The following GFPT1 variants were observed in gnomAD, a reference collection of about 807,000 sequenced individuals.
GFPT1 encodes glutamine--fructose-6-phosphate transaminase 1.
In GFPT1, 40 loss-of-function variants were observed where a neutral mutation model predicts 92.0. The observed-to-expected ratio is 0.43, with a 90% CI of 0.34 to 0.57. GFPT1 has a LOEUF of 0.57. GFPT1 is among the 20% of genes least tolerant of loss of function. GFPT1 has a pLI of 0.02. For synonymous variants in GFPT1, 269 were observed against 280.6 expected, an observed-to-expected ratio of 0.96 and a Z score of 0.41; for missense variants, 448 against 869.1, an observed-to-expected ratio of 0.52 and a Z score of 6.09.
intron 3 of GFPT1, among the ~76,000 whole-genome samples, chr2:69,367,809 G>A (rs1671647669): frequency 6.6e-6 from 1 of 152,144 alleles, no homozygotes; most frequent in South Asian, 2.1e-4. Flanking sequence ...TTAGTCTCAG[G>A]TTATAGGCAT....
At chr2:69,349,991 C>T in intron 10 of GFPT1, 87 bp downstream of exon 10, 1 of 893,692 alleles carries the variant, frequency 1.1e-6, no homozygotes, top group South Asian at 1.4e-5. Flanking sequence ...CAGAGCACAA[C>T]TAGACTGATA....
At chr2:69,333,739 T>C (rs377120492) in intron 15 of GFPT1, among the ~76,000 whole-genome samples, 4 of 152,346 alleles carry the variant, frequency 2.6e-5, no homozygotes, top group African/African-American at 9.6e-5. Context: ...TATGGTCTGA[T>C]ACTATGAGAA....
At chr2:69,367,341 TTTTTTGTTG>T (rs1209028821) in intron 3 of GFPT1, among the ~76,000 whole-genome samples, 182 of 129,986 alleles carry the variant, frequency 1.4e-3, no homozygotes, top group African/African-American at 5.7e-3. Context: ...ATACAACTTA[TTTTTTGTTG>T]TTGTTGTTGT....
intron 1 of GFPT1, among the ~76,000 whole-genome samples, chr2:69,377,159 G>C (rs1488177065): frequency 7.6e-6 from 1 of 131,410 alleles, no homozygotes; most frequent in Non-Finnish European, 1.5e-5. Flanking sequence ...AGTGAGCTGA[G>C]ATCGTGCCAC....
At chr2:69,384,294 T>A (rs1672075165) in intron 1 of GFPT1, among the ~76,000 whole-genome samples, 1 of 152,128 alleles carries the variant, frequency 6.6e-6, no homozygotes, top group South Asian at 2.1e-4. Flanking sequence ...CTTATTAACA[T>A]CCCAATACAA....
At chr2:69,331,141 G>A (rs528725916) in intron 15 of GFPT1, among the ~76,000 whole-genome samples, 155 of 152,266 alleles carry the variant, frequency 1.0e-3, no homozygotes, top group African/African-American at 3.6e-3. Flanking sequence ...GTCAAGTTCT[G>A]TGAAATACTG....
rs372548032 is a variant in GFPT1 at position 69,329,810 on chromosome 2, CA to C, written c.1483-13del. ...TGGCTGGTATAAGCCTGAAACATCA[CA>C]AAAAAGCAGGACAATTAGTTGCAGC... On this transcript the variant is annotated splice_polypyrimidine_tract_variant and intron_variant, in intron 15 of 19. Transcript: ENST00000357308. 10 of 1,376,714 alleles carry C rather than the reference CA, an allele frequency of 7.3e-6. No homozygotes were observed. Among genetic ancestry groups the C allele is most frequent in the African/African-American group, 2.8e-5 (2 of 70,452 alleles). The allele number at this position is 1,376,714 out of a possible 1,614,324, so 85.3% of individuals were successfully genotyped here.
intron 9 of GFPT1, among the ~76,000 whole-genome samples, chr2:69,352,178 G>A (rs769401343): frequency 3.3e-5 from 5 of 152,200 alleles, no homozygotes; most frequent in Non-Finnish European, 5.9e-5. Context: ...TGGGAGAATC[G>A]CTTGAACCTG....
intron 1 of GFPT1, among the ~76,000 whole-genome samples, chr2:69,384,850 GA>G (rs1177239856): frequency 2.0e-5 from 3 of 152,116 alleles, no homozygotes; most frequent in Non-Finnish European, 4.4e-5. Context: ...CAAGTAATCA[GA>G]AAGTAAGCTT....
chr2:69,343,904 A>C (rs904625107), intron 12 of GFPT1, among the ~76,000 whole-genome samples: 2 of 152,196 alleles, frequency 1.3e-5, no homozygotes, highest in Admixed American at 1.3e-4. Flanking sequence ...TAGCTTCCCA[A>C]ATAATTTATA....
intron 4 of GFPT1, among the ~76,000 whole-genome samples, chr2:69,359,555 G>A (rs997399520): frequency 6.6e-6 from 1 of 152,094 alleles, no homozygotes; most frequent in African/African-American, 2.4e-5. Context: ...AGGGGAGGTG[G>A]GTACAGTAGG....
At chr2:69,347,022 A>AC in intron 11 of GFPT1, among the ~76,000 whole-genome samples, 1 of 151,640 alleles carries the variant, frequency 6.6e-6, no homozygotes, top group Non-Finnish European at 1.5e-5. Context: ...TGATTCTCCC[A>AC]CCTCAGCCTC....
At chr2:69,356,669 G>A in intron 6 of GFPT1, 112 bp from the exon 7 acceptor site, 1 of 779,002 alleles carries the variant, frequency 1.3e-6, no homozygotes, top group Non-Finnish European at 2.3e-6. Flanking sequence ...ATGCTCTTTT[G>A]TACCAGTTTA....
chr2:69,381,521 C>T (rs1672009694), intron 1 of GFPT1, among the ~76,000 whole-genome samples: 1 of 151,632 alleles, frequency 6.6e-6, no homozygotes, highest in Non-Finnish European at 1.5e-5. Context: ...ATTACACATA[C>T]TACTCTCTGA....
At chr2:69,338,142 T>G in intron 14 of GFPT1, 87 bp from the exon 15 acceptor site, 1 of 1,125,258 alleles carries the variant, frequency 8.9e-7, no homozygotes, top group Non-Finnish European at 1.4e-6. Context: ...GACCACACTT[T>G]CAACAATATT....
chr2:69,371,076 CTTT>C (rs1156764424), intron 2 of GFPT1, among the ~76,000 whole-genome samples: 8 of 127,706 alleles, frequency 6.3e-5, no homozygotes, highest in Non-Finnish European at 8.4e-5. Context: ...CTTTTCTTTT[CTTT>C]TTTTTTTTTT....
intron 10 of GFPT1, 93 bp downstream of exon 10, chr2:69,349,985 G>T: frequency 2.3e-6 from 2 of 852,058 alleles, no homozygotes; most frequent in Non-Finnish European, 3.9e-6. Context: ...ATCTCACAGA[G>T]CACAACTAGA....
intron 11 of GFPT1, among the ~76,000 whole-genome samples, chr2:69,347,481 T>TC (rs1671111692): frequency 2.7e-5 from 1 of 37,172 alleles, no homozygotes; most frequent in Non-Finnish European, 4.6e-5. Context: ...TTTAAGCTTC[T>TC]TTTTTTTTTT....
At chr2:69,361,799 C>A (rs762031554) in intron 4 of GFPT1, among the ~76,000 whole-genome samples, 8 of 152,108 alleles carry the variant, frequency 5.3e-5, no homozygotes, top group Non-Finnish European at 1.2e-4. Flanking sequence ...AGCAACAAAG[C>A]AAGACCCCTA....
Sources: gnomAD v4.1 joint callset for allele counts (sites outside exome capture counted in the v4.1 genomes callset) on GRCh38, gnomAD v4.1.1 for gene constraint, MANE v1.5 for transcripts, NCBI Gene and HGNC (gene_info 2026-07-23, HGNC 2026-07-21) for gene names.